The following CBX7 variants were observed in gnomAD, a reference collection of about 807,000 sequenced individuals.
CBX7 encodes the protein chromobox protein homolog 7.
A neutral mutation model predicts 31.4 loss-of-function variants in CBX7; 14 were observed. That is an observed-to-expected ratio of 0.45 (90% CI 0.29 to 0.70). CBX7 has a LOEUF of 0.70. Ranked by LOEUF, CBX7 falls within the 30% of genes least tolerant of loss-of-function variation. The probability of loss-of-function intolerance (pLI) is 0.11; values close to 1 mark genes in which losing one functional copy is unlikely to be tolerated. For missense variants in CBX7, 269 were observed against 351.9 expected (o/e 0.76, Z 1.89); for synonymous variants, 159 against 152.6 (o/e 1.04, Z -0.31).
At chr22:39,134,181 C>T in intron 5 of CBX7, 133 bp from the exon 6 acceptor site, 1 of 1,019,294 alleles carries the variant, frequency 9.8e-7, no homozygotes, top group Non-Finnish European at 1.4e-6. Flanking sequence ...CAGGGCTGGA[C>T]ACTTGGGAGG....
chr22:39,151,964 C>T (rs185820008), intron 1 of CBX7, among the ~76,000 whole-genome samples: 1 of 152,248 alleles, frequency 6.6e-6, no homozygotes, highest in African/African-American at 2.4e-5. Flanking sequence ...TTCCAAAGCT[C>T]CACTTACAAC....
At chr22:39,144,189 C>T (rs971793545) in intron 2 of CBX7, among the ~76,000 whole-genome samples, 1 of 152,234 alleles carries the variant, frequency 6.6e-6, no homozygotes, top group African/African-American at 2.4e-5. Context: ...CTTGCTTCCT[C>T]TAACACTCTG....
intron 2 of CBX7, chr22:39,148,939 G>C (rs1183034737): frequency 6.6e-6 from 1 of 152,652 alleles, no homozygotes; most frequent in Non-Finnish European, 1.5e-5. Context: ...GACAGCAGCA[G>C]CTCTGGGCAG....
Position 39,152,333 on chromosome 22 carries a change from G to C in CBX7, c.69+43C>G. The C allele has an allele frequency of 2.3e-6, 3 of 1,295,082 alleles. No individual in the cohort carries two copies. The highest frequency in any genetic ancestry group is 3.0e-6 in the Non-Finnish European group (3 of 1,000,532). 80.2% of individuals were successfully genotyped at this position (1,295,082 alleles called of 1,614,324 possible). ...GAGGGAGCGGTGCTGGGGACGGGAGGGACCCCACTGGGGTCCTGGGAGCCG... is the reference window on the plus strand; with the variant it reads ...GAGGGAGCGGTGCTGGGGACGGGAGCGACCCCACTGGGGTCCTGGGAGCCG... On this transcript the variant is annotated intron_variant, in intron 1 of 5. Transcript: ENST00000216133. This position sits in a 1 kb window ranked among gnomAD's most constrained non-coding sequence, Gnocchi z 4.9.
chr22:39,152,334 G>A lies in CBX7; in HGVS notation c.69+42C>T, dbSNP rs1339065580. 1.5e-6 allele frequency: 2 copies of A among 1,299,968 alleles called. No individual in the cohort carries two copies. Among genetic ancestry groups the A allele is most frequent in the East Asian group, 3.1e-5 (1 of 31,942 alleles). 80.5% of individuals were successfully genotyped at this position (1,299,968 alleles called of 1,614,324 possible). ...AGGGAGCGGTGCTGGGGACGGGAGG[G>A]ACCCCACTGGGGTCCTGGGAGCCGC... On this transcript the variant is annotated intron_variant, in intron 1 of 5. Coordinates refer to ENST00000216133, the MANE Select transcript of CBX7 (RefSeq NM_175709.5). The surrounding 1 kb of genome is among the most constrained non-coding windows in gnomAD (Gnocchi z 4.9).
Position 39,152,346 on chromosome 22 carries a change from G to A in CBX7, c.69+30C>T, listed in dbSNP as rs1435372848. 7.3e-7 allele frequency: 1 copy of A among 1,363,026 alleles called. No individual in the cohort carries two copies. Among genetic ancestry groups the A allele is most frequent in the South Asian group, 1.6e-5 (1 of 62,294 alleles). The allele number at this position is 1,363,026 out of a possible 1,614,324, so 84.4% of individuals were successfully genotyped here. ...TGGGGACGGGAGGGACCCCACTGGG[G>A]TCCTGGGAGCCGCCCCCGGGCAGCC... On this transcript the variant is annotated intron_variant, in intron 1 of 5. Transcript: ENST00000216133. This position sits in a 1 kb window ranked among gnomAD's most constrained non-coding sequence, Gnocchi z 4.9.
chr22:39,140,530 C>T (rs534388128), intron 3 of CBX7, among the ~76,000 whole-genome samples: 79 of 151,060 alleles, frequency 5.2e-4, no homozygotes, highest in Non-Finnish European at 1.0e-3. Flanking sequence ...GAAAAGCCCC[C>T]ACCTGGAGGT....
At chr22:39,142,874 A>G (rs765847880) in intron 2 of CBX7, among the ~76,000 whole-genome samples, 1 of 152,170 alleles carries the variant, frequency 6.6e-6, no homozygotes, top group Admixed American at 6.6e-5. Flanking sequence ...TGACGTCTTG[A>G]TGATCCTGAC....
rs1337439740 is a variant in CBX7, at chr22:39,133,924, C to T, written c.723G>A (p.Glu241=). ...TVTFREAQAA[E]GFFRDRSGKF is the part of the protein sequence containing the mutation. ...TCCCACTGCGGTCTCGGAAGAAGCC[C>T]TCAGCTGCCTGGGCCTCGCGGAAGG... The change falls in exon 6 of 6, where the codon GAG becomes GAA. Residue 241 remains glutamate (E), a synonymous_variant. Coordinates refer to ENST00000216133, the MANE Select transcript of CBX7 (RefSeq NM_175709.5). 2 of 1,613,220 alleles carry T rather than the reference C, an allele frequency of 1.2e-6. No individual in the cohort carries two copies. The highest frequency in any genetic ancestry group is 1.7e-5 in the Admixed American group (1 of 59,892).
chr22:39,149,864 C>T, intron 1 of CBX7, 32 bp from the exon 2 acceptor site: 1 of 1,602,288 alleles, frequency 6.2e-7, no homozygotes, highest in South Asian at 1.1e-5. Context: ...CACAGTGAGT[C>T]TCGTGGTTGC....
At position 39,131,526 on chromosome 22, in the gene CBX7, C is replaced by G. The variant is rs759625499; in HGVS notation, c.*2365G>C. ...CCTTTTCCCCCAGGGAGCTGGCTCA[C>G]TACAGCCCATGAGCCACCTGGCTGC... On this transcript the variant is annotated 3_prime_UTR_variant, in exon 6 of 6. Transcript: ENST00000216133. The G allele has an allele frequency of 6.6e-6, 1 of 152,636 alleles. No individual in the cohort carries two copies. The highest frequency in any genetic ancestry group is 6.5e-5 in the Admixed American group (1 of 15,288). The allele number at this position is 152,636 out of a possible 1,614,324, so 9.5% of individuals were successfully genotyped here. A position where few individuals can be genotyped will look rare whatever the true frequency, so the allele number is the denominator to read the frequency against.
At chr22:39,141,285 A>G (rs1930445745) in intron 3 of CBX7, 86 bp downstream of exon 3, 1 of 1,258,096 alleles carries the variant, frequency 7.9e-7, no homozygotes, top group African/African-American at 1.5e-5. Context: ...CCCTGCCCCA[A>G]CAACCCCTGC....
rs1030232944 is a variant in CBX7, at chr22:39,152,232, G to C, written c.69+144C>G. ...CACGGTGGCAGGGAAACTGAGGCACGGGCTGGGGAGACGGGCCCAGCAGCG... is the reference window on the plus strand; with the variant it reads ...CACGGTGGCAGGGAAACTGAGGCACCGGCTGGGGAGACGGGCCCAGCAGCG... On this transcript the variant is annotated intron_variant, in intron 1 of 5. Transcript: ENST00000216133. The surrounding 1 kb of genome is among the most constrained non-coding windows in gnomAD (Gnocchi z 4.9). 6.3e-6 allele frequency: 2 copies of C among 319,142 alleles called. No homozygotes were observed. The highest frequency in any genetic ancestry group is 1.1e-4 in the East Asian group (2 of 18,074). 19.8% of individuals were successfully genotyped at this position (319,142 alleles called of 1,614,324 possible).
chr22:39,141,743 T>TAA (rs139392), intron 2 of CBX7, among the ~76,000 whole-genome samples: 8 of 122,422 alleles, frequency 6.5e-5, no homozygotes, highest in East Asian at 2.3e-4. Flanking sequence ...AGTAAGACTC[T>TAA]AAAAAAAAAA....
At chr22:39,139,575 C>T (rs370100476) in intron 3 of CBX7, among the ~76,000 whole-genome samples, 2 of 151,772 alleles carry the variant, frequency 1.3e-5, no homozygotes, top group African/African-American at 2.4e-5. Context: ...TGGTGGCGGG[C>T]ACCTGTAGTC....
At chr22:39,137,639 G>A (rs565385407) in intron 4 of CBX7, among the ~76,000 whole-genome samples, 143 of 150,748 alleles carry the variant, frequency 9.5e-4, no homozygotes, top group Non-Finnish European at 1.7e-3. Context: ...ATGAGCCACC[G>A]CACATGGCAG....
chr22:39,152,356 C>T lies in CBX7; in HGVS notation c.69+20G>A. The T allele has an allele frequency of 2.2e-6, 3 of 1,377,890 alleles. No homozygotes were observed. Among genetic ancestry groups the T allele is most frequent in the South Asian group, 1.6e-5 (1 of 63,602 alleles). 85.4% of individuals were successfully genotyped at this position (1,377,890 alleles called of 1,614,324 possible). A position where few individuals can be genotyped will look rare whatever the true frequency, so the allele number is the denominator to read the frequency against. On this transcript the variant is annotated intron_variant, in intron 1 of 5. Transcript: ENST00000216133. The surrounding 1 kb of genome is among the most constrained non-coding windows in gnomAD (Gnocchi z 4.9). ...AGGGACCCCACTGGGGTCCTGGGAG[C>T]CGCCCCCGGGCAGCCTCACCTTCCG... is the stretch of plus-strand genomic sequence containing the variant.
chr22:39,146,954 G>C (rs552574932), intron 2 of CBX7, among the ~76,000 whole-genome samples: 2 of 152,150 alleles, frequency 1.3e-5, no homozygotes, highest in South Asian at 4.2e-4. Flanking sequence ...CCCGGGCCCC[G>C]AGCCCCTCCC....
At position 39,135,235 on chromosome 22, in the gene CBX7, C is replaced by A. The variant is rs370241563; in HGVS notation, c.247-483G>T. ...GCCAGGCCAGCAGCACACACAGCCC[C>A]GGATGCCCATGCTATCCAGCCAAAG... On this transcript the variant is annotated intron_variant, in intron 4 of 5. Transcript: ENST00000216133. The A allele has an allele frequency of 4.8e-4, 75 of 156,566 alleles. 2 individuals carry two copies. The South Asian group carries it at 0.014, about 30-fold the overall frequency. The allele number at this position is 156,566 out of a possible 1,614,324, so 9.7% of individuals were successfully genotyped here. A position where few individuals can be genotyped will look rare whatever the true frequency, so the allele number is the denominator to read the frequency against.
Sources: allele counts gnomAD v4.1 joint callset (sites outside exome capture counted in the v4.1 genomes callset), GRCh38; gene constraint gnomAD v4.1.1; non-coding constraint Gnocchi (gnomAD v3.1); transcripts MANE v1.5; gene names NCBI Gene and HGNC (gene_info 2026-07-23, HGNC 2026-07-21).